The following MAP2 variants were observed in gnomAD, a reference collection of about 807,000 sequenced individuals.
MAP2 encodes the protein microtubule associated protein 2.
A neutral mutation model predicts 137.6 loss-of-function variants in MAP2; 14 were observed. The observed-to-expected ratio is 0.10, with a 90% confidence interval of 0.07 to 0.16. The LOEUF (loss-of-function observed/expected upper bound fraction) is 0.16, where lower values mean the gene tolerates loss of function less well. Among genes scored for constraint, MAP2 ranks in the 10% least tolerant of loss-of-function variants. The pLI is 1.00. For missense variants in MAP2, 2,088 were observed against 2,191.5 expected (o/e 0.95, Z 0.94); for synonymous variants, 786 against 782.3 (o/e 1.00, Z -0.08).
intron 2 of MAP2, among the ~76,000 whole-genome samples, chr2:209,565,034 C>T (rs1055921745): frequency 2.6e-5 from 4 of 152,090 alleles, no homozygotes; most frequent in African/African-American, 9.7e-5. Flanking sequence ...TCATAAATAC[C>T]GAGCTCAAGC....
At chr2:209,615,503 A>G (rs1287038327) in intron 3 of MAP2, among the ~76,000 whole-genome samples, 1 of 152,228 alleles carries the variant, frequency 6.6e-6, no homozygotes, top group Admixed American at 6.5e-5. Flanking sequence ...GTAAAAGAAA[A>G]TATCATTTAA....
intron 2 of MAP2, among the ~76,000 whole-genome samples, chr2:209,508,166 C>T (rs771664183): frequency 1.4e-4 from 21 of 151,886 alleles, no homozygotes; most frequent in African/African-American, 2.7e-4. Flanking sequence ...AATTGAGACT[C>T]GAAACTAGCT....
chr2:209,698,042 G>T (rs1391596345), intron 10 of MAP2, among the ~76,000 whole-genome samples: 1 of 151,438 alleles, frequency 6.6e-6, no homozygotes, highest in South Asian at 2.1e-4. Context: ...TAGAGACGGG[G>T]TTTCACCATC....
At chr2:209,616,939 G>T (rs977346732) in intron 3 of MAP2, among the ~76,000 whole-genome samples, 1 of 152,166 alleles carries the variant, frequency 6.6e-6, no homozygotes, top group Admixed American at 6.5e-5. Flanking sequence ...GACTAGGCGG[G>T]GGGACCCAGC....
At chr2:209,622,051 CA>C (rs1245410397) in intron 3 of MAP2, among the ~76,000 whole-genome samples, 1 of 152,162 alleles carries the variant, frequency 6.6e-6, no homozygotes, top group African/African-American at 2.4e-5. Context: ...AATTGTTAAG[CA>C]GTTGACTTTG....
At chr2:209,710,796 A>G (rs1432908954) in intron 13 of MAP2, 1 of 154,130 alleles carries the variant, frequency 6.5e-6, no homozygotes, top group Non-Finnish European at 1.4e-5. Context: ...TAAAAGACAC[A>G]TGGTTCTGAT....
At chr2:209,564,179 T>C (rs2072856477) in intron 2 of MAP2, among the ~76,000 whole-genome samples, 1 of 152,198 alleles carries the variant, frequency 6.6e-6, no homozygotes, top group Non-Finnish European at 1.5e-5. Context: ...GAAATTCAGT[T>C]GCTTCAAACA....
At chr2:209,465,461 A>C (rs939555773) in intron 1 of MAP2, among the ~76,000 whole-genome samples, 2 of 152,166 alleles carry the variant, frequency 1.3e-5, no homozygotes, top group Non-Finnish European at 2.9e-5. Context: ...AGGAGGACAC[A>C]CAAAATATGG....
At chr2:209,472,787 A>G (rs920092906) in intron 1 of MAP2, among the ~76,000 whole-genome samples, 13 of 152,154 alleles carry the variant, frequency 8.5e-5, no homozygotes, top group Non-Finnish European at 1.5e-4. Context: ...TTTTATATCC[A>G]AGAACAGTCA....
intron 5 of MAP2, among the ~76,000 whole-genome samples, chr2:209,666,704 A>G (rs1225435721): frequency 6.6e-6 from 1 of 152,004 alleles, no homozygotes; most frequent in Non-Finnish European, 1.5e-5. Context: ...GCTGACTATC[A>G]TCTTATGATG....
chr2:209,664,156 A>G (rs16843415), intron 5 of MAP2, among the ~76,000 whole-genome samples: 5,043 of 152,342 alleles, frequency 0.033, 272 homozygotes, highest in African/African-American at 0.11. Flanking sequence ...GCTTTGGGGT[A>G]GAACCTGTGC....
intron 13 of MAP2, among the ~76,000 whole-genome samples, chr2:209,713,642 C>T (rs1419682184): frequency 1.3e-5 from 2 of 152,108 alleles, no homozygotes; most frequent in Admixed American, 1.3e-4. Flanking sequence ...TACATTAAAT[C>T]TAAGTTTTAG....
At chr2:209,561,352 A>G (rs2072031619) in intron 2 of MAP2, among the ~76,000 whole-genome samples, 1 of 152,210 alleles carries the variant, frequency 6.6e-6, no homozygotes, top group Non-Finnish European at 1.5e-5. Context: ...CTCACTTTTC[A>G]ATACTGAACA....
At chr2:209,458,338 T>G (rs936560145) in intron 1 of MAP2, among the ~76,000 whole-genome samples, 1 of 152,114 alleles carries the variant, frequency 6.6e-6, no homozygotes. Flanking sequence ...ATACCACTAT[T>G]ATATGAGTGG....
chr2:209,685,726 T>C (rs1229190326), intron 7 of MAP2, among the ~76,000 whole-genome samples: 1 of 152,172 alleles, frequency 6.6e-6, no homozygotes, highest in East Asian at 1.9e-4. Flanking sequence ...GTTTTCAGAA[T>C]AGAAAATACC....
At chr2:209,572,257 A>T (rs1186703069) in intron 2 of MAP2, among the ~76,000 whole-genome samples, 1 of 152,066 alleles carries the variant, frequency 6.6e-6, no homozygotes, top group Non-Finnish European at 1.5e-5. Context: ...CATCCTTCTC[A>T]TTGCAGTACA....
chr2:209,530,474 A>G (rs924698146), intron 2 of MAP2, among the ~76,000 whole-genome samples: 1 of 152,200 alleles, frequency 6.6e-6, no homozygotes, highest in African/African-American at 2.4e-5. Flanking sequence ...GAGGAAGTAC[A>G]GATTATTAGG....
chr2:209,486,691 T>A (rs777834048), intron 1 of MAP2, among the ~76,000 whole-genome samples: 5 of 152,226 alleles, frequency 3.3e-5, no homozygotes, highest in Non-Finnish European at 5.9e-5. Flanking sequence ...TGGTTTTAAA[T>A]ACGTTATTGA....
chr2:209,628,857 G>A (rs554345727), intron 4 of MAP2, among the ~76,000 whole-genome samples: 2 of 152,306 alleles, frequency 1.3e-5, no homozygotes, highest in Admixed American at 1.3e-4. Flanking sequence ...TTGCTGAAGG[G>A]ATGACTAGGT....
Sources: allele counts gnomAD v4.1 joint callset (sites outside exome capture counted in the v4.1 genomes callset), GRCh38; gene constraint gnomAD v4.1.1; transcripts MANE v1.5; gene names NCBI Gene and HGNC (gene_info 2026-07-23, HGNC 2026-07-21).